The following VRK3 variants were observed in gnomAD, a reference collection of about 807,000 sequenced individuals.
VRK3 encodes VRK serine/threonine kinase 3.
VRK3 carries 50 observed loss-of-function variants against 60.4 expected under a neutral mutation model. The observed-to-expected ratio is 0.83, with a 90% CI of 0.66 to 1.05. VRK3 has a LOEUF of 1.05. VRK3 is among the 50% of genes least tolerant of loss of function. The pLI, the probability that VRK3 is intolerant of heterozygous loss-of-function variation, is 0.00. For synonymous variants in VRK3, 246 were observed against 227.8 expected (o/e 1.08, Z -0.72); for missense variants, 549 against 585.3 (o/e 0.94, Z 0.64).
chr19:50,014,672 C>T (rs189513401), intron 3 of VRK3, among the ~76,000 whole-genome samples: 22 of 152,294 alleles, frequency 1.4e-4, no homozygotes, highest in Non-Finnish European at 2.4e-4. Flanking sequence ...GAGCGGCAAG[C>T]GCACAGGCTG....
chr19:49,977,643 C>T (rs1170683793), intron 14 of VRK3, among the ~76,000 whole-genome samples: 2 of 152,108 alleles, frequency 1.3e-5, no homozygotes, highest in East Asian at 1.9e-4. Flanking sequence ...GACAAGTGAC[C>T]CCGTGGTCAG....
chr19:49,989,835 T>A, intron 10 of VRK3, 64 bp from the exon 11 acceptor site: 1 of 1,509,456 alleles, frequency 6.6e-7, no homozygotes. Context: ...GAGATTTCCA[T>A]CGTGGGTGCA....
chr19:49,992,713 T>A (rs1336701480), intron 10 of VRK3, 147 bp downstream of exon 10: 3 of 674,216 alleles, frequency 4.4e-6, no homozygotes, highest in African/African-American at 3.6e-5. Context: ...ACTAAGTTGC[T>A]TATCTTATTT....
chr19:50,004,152 C>T (rs968430591), intron 5 of VRK3, among the ~76,000 whole-genome samples: 2 of 152,152 alleles, frequency 1.3e-5, no homozygotes, highest in African/African-American at 4.8e-5. Context: ...AAACCAAAAC[C>T]ACATTGGCCC....
intron 7 of VRK3, 154 bp downstream of exon 7, chr19:49,997,350 G>C: frequency 1.4e-6 from 1 of 706,320 alleles, no homozygotes; most frequent in Non-Finnish European, 2.3e-6. Flanking sequence ...AGGCCTGAGG[G>C]GTCACAGGAG....
chr19:49,984,254 A>G (rs1229847946), intron 12 of VRK3, among the ~76,000 whole-genome samples: 5 of 152,194 alleles, frequency 3.3e-5, no homozygotes, highest in Non-Finnish European at 7.4e-5. Context: ...CTGGGTGTCC[A>G]GCACAGCCAC....
intron 2 of VRK3, 44 bp from the exon 3 acceptor site, chr19:50,016,207 G>A: frequency 6.2e-7 from 1 of 1,608,612 alleles, no homozygotes; most frequent in South Asian, 1.1e-5. Flanking sequence ...CGGGCCAGCT[G>A]AAGGTCAGTG....
intron 11 of VRK3, among the ~76,000 whole-genome samples, chr19:49,988,949 G>T: frequency 6.6e-6 from 1 of 152,236 alleles, no homozygotes; most frequent in Non-Finnish European, 1.5e-5. Context: ...GGGGGAGGGC[G>T]GGGGAGACTC....
At chr19:50,008,222 G>A (rs950479326) in intron 4 of VRK3, among the ~76,000 whole-genome samples, 34 of 152,124 alleles carry the variant, frequency 2.2e-4, no homozygotes, top group African/African-American at 8.2e-4. Flanking sequence ...GGGAATAAAG[G>A]ACATTCTAGA....
exon 1 of VRK3, chr19:50,025,367 ACTTCCGCT>A (rs2077255955): frequency 6.6e-6 from 1 of 152,048 alleles, no homozygotes; most frequent in South Asian, 2.1e-4. Flanking sequence ...CCCAGCGAAA[ACTTCCGCT>A]GGGCGGAGAG....
intron 5 of VRK3, among the ~76,000 whole-genome samples, chr19:50,003,473 C>A (rs550632892): frequency 2.0e-5 from 3 of 152,354 alleles, no homozygotes; most frequent in Admixed American, 2.0e-4. Context: ...CCCAAGTGCA[C>A]CGCAGTGAGC....
intron 6 of VRK3, 197 bp downstream of exon 6, chr19:50,000,593 T>C (rs1254748883): frequency 4.5e-5 from 28 of 625,634 alleles, no homozygotes. Context: ...CTTGGGTGGA[T>C]CCAACTGTGG....
chr19:49,991,432 C>T (rs1013485152), intron 10 of VRK3, among the ~76,000 whole-genome samples: 2 of 152,112 alleles, frequency 1.3e-5, no homozygotes, highest in Non-Finnish European at 2.9e-5. Flanking sequence ...ATCATTGGCT[C>T]TCCTAGGTCT....
At chr19:49,994,712 A>AG (rs1351982601) in intron 9 of VRK3, 102 bp downstream of exon 9, 27 of 1,021,890 alleles carry the variant, frequency 2.6e-5, no homozygotes, top group Non-Finnish European at 3.6e-5. Flanking sequence ...TGTGCAGCGG[A>AG]GGGGGGTGGG....
chr19:50,014,536 C>A (rs2077043699), intron 3 of VRK3, among the ~76,000 whole-genome samples: 1 of 152,174 alleles, frequency 6.6e-6, no homozygotes, highest in Non-Finnish European at 1.5e-5. Flanking sequence ...AAGATTGCGC[C>A]ACTGCACCCC....
chr19:50,013,773 A>C (rs558895764), intron 3 of VRK3, among the ~76,000 whole-genome samples: 1 of 152,364 alleles, frequency 6.6e-6, no homozygotes, highest in Admixed American at 6.5e-5. Flanking sequence ...CAGGTTACAG[A>C]AACACAAAAA....
chr19:50,004,906 T>C (rs1455766195), intron 5 of VRK3, among the ~76,000 whole-genome samples: 2 of 150,998 alleles, frequency 1.3e-5, no homozygotes, highest in Non-Finnish European at 1.5e-5. Context: ...CGAGACTCCA[T>C]CTCTTAAAAA....
Position 49,994,823 on chromosome 19 carries a change from G to A in VRK3, c.861C>T (p.Ala287=). 6.2e-7 allele frequency: 1 copy of A among 1,613,470 alleles called. No individual in the cohort carries two copies. The highest frequency in any genetic ancestry group is 8.5e-7 in the Non-Finnish European group (1 of 1,179,612). ...VLSERSVLQV[A]CRLLDALEFL... ...ACTTCTGGGTACGCACCAGCCGGCA[G>A]GCCACCTGCAGCACAGACCTCTCTG... The change falls in exon 9 of 15, where the codon GCC becomes GCT. Residue 287 remains alanine, a synonymous_variant. Transcript: ENST00000316763.
At position 49,979,075 on chromosome 19, in the gene VRK3, C is replaced by A. The variant is rs777544524; in HGVS notation, c.*11+8G>T. 43 of 1,591,798 alleles carry A rather than the reference C, an allele frequency of 2.7e-5. No individual in the cohort carries two copies. The highest frequency in any genetic ancestry group is 3.4e-5 in the Non-Finnish European group (40 of 1,166,968). On this transcript the variant is annotated splice_region_variant and intron_variant, in intron 14 of 14. Coordinates refer to ENST00000316763, the MANE Select transcript of VRK3 (RefSeq NM_016440.4). The stretch of plus-strand genomic sequence containing the variant: ...GTGAGAGGCTTAAGCCTCACAAGCT[C>A]TTCCCACCTGGATTCCACCTAGGGC...
Sources: allele counts gnomAD v4.1 joint callset (sites outside exome capture counted in the v4.1 genomes callset), GRCh38; gene constraint gnomAD v4.1.1; transcripts MANE v1.5; gene names NCBI Gene and HGNC (gene_info 2026-07-23, HGNC 2026-07-21).